The following ADAMTS17 variants were observed in gnomAD, a reference collection of about 807,000 sequenced individuals.
ADAMTS17 encodes the protein ADAM metallopeptidase with thrombospondin type 1 motif 17, also known as A disintegrin and metalloproteinase with thrombospondin motifs 17.
Under a neutral mutation model 141.5 loss-of-function variants are expected in ADAMTS17, and 113 were observed. That is an observed-to-expected ratio of 0.80 (90% CI 0.69 to 0.93). The LOEUF (loss-of-function observed/expected upper bound fraction) is 0.93. Ranked by LOEUF, ADAMTS17 falls within the 40% of genes least tolerant of loss-of-function variation. ADAMTS17 has a pLI of 0.00. For synonymous variants in ADAMTS17, 768 were observed against 630.6 expected (o/e 1.22, Z -3.27); for missense variants, 1,659 against 1,517.9 (o/e 1.09, Z -1.54).
chr15:100,143,656 T>C (rs2038762942), intron 10 of ADAMTS17, among the ~76,000 whole-genome samples: 1 of 152,258 alleles, frequency 6.6e-6, no homozygotes, highest in African/African-American at 2.4e-5. Flanking sequence ...CTTACAATAC[T>C]AGCATTCTGC....
At chr15:100,186,343 G>A (rs1045526385) in intron 8 of ADAMTS17, among the ~76,000 whole-genome samples, 4 of 152,090 alleles carry the variant, frequency 2.6e-5, no homozygotes, top group African/African-American at 9.7e-5. Context: ...GGAGTGTCCT[G>A]GGCCTCATCT....
intron 15 of ADAMTS17, among the ~76,000 whole-genome samples, chr15:100,085,516 A>T (rs886760942): frequency 2.1e-4 from 32 of 151,944 alleles, no homozygotes; most frequent in African/African-American, 7.5e-4. Flanking sequence ...CTCCTCGAGA[A>T]GAGCGACTCC....
At position 100,227,598 on chromosome 15, in the gene ADAMTS17, G is replaced by T. The variant is rs530497462; in HGVS notation, c.1075+26538C>A. ...CACATCGCTGGATGGACAGATCTGT[G>T]GTCCTCCTGGCCTTTCCCTCATGGT... On this transcript the variant is annotated intron_variant, in intron 7 of 21. Coordinates refer to ENST00000268070, the MANE Select transcript of ADAMTS17 (RefSeq NM_139057.4). 1.3e-3 allele frequency among the ~76,000 whole-genome samples: 195 copies of T among 152,318 alleles called. 1 individual carries two copies. The highest frequency in any genetic ancestry group is 4.5e-3 in the African/African-American group (189 of 41,564).
Position 100,109,003 on chromosome 15 carries a change from G to A in ADAMTS17, c.2002C>T (p.His668Tyr), listed in dbSNP as rs2036576642. 3 of 1,614,088 alleles carry A rather than the reference G, an allele frequency of 1.9e-6. No homozygotes were observed. Among genetic ancestry groups the A allele is most frequent in the South Asian group, 2.2e-5 (2 of 91,078 alleles). The change falls in exon 14 of 22, where the codon CAC becomes TAC. Residue 668 changes from histidine (H) to tyrosine (Y), a missense_variant. Coordinates refer to ENST00000268070, the MANE Select transcript of ADAMTS17 (RefSeq NM_139057.4). ...AAGTACGTCACCTGGCACTTGCCGTGCACGCAGAGATCAGTCTCGTAGGGC... is the reference window on the plus strand; with the variant it reads ...AAGTACGTCACCTGGCACTTGCCGTACACGCAGAGATCAGTCTCGTAGGGC... ...CGPYETDLCV[H>Y]GKCQKIGCDG...
chr15:100,127,425 C>T (rs1055021621), intron 12 of ADAMTS17, among the ~76,000 whole-genome samples: 6 of 152,276 alleles, frequency 3.9e-5, no homozygotes, highest in East Asian at 3.9e-4. Flanking sequence ...AGCCACGAAA[C>T]GGATTCACCT....
At position 100,053,660 on chromosome 15, in the gene ADAMTS17, G is replaced by C. The variant is rs370816268; in HGVS notation, c.2295+237C>G. Among the ~76,000 whole-genome samples, 484 of 152,224 alleles carry C rather than the reference G, an allele frequency of 3.2e-3. 1 individual carries two copies. Among genetic ancestry groups the C allele is most frequent in the African/African-American group, 0.011 (461 of 41,524 alleles). Reference sequence around the variant, plus strand: ...CTCCTTTTGAAAAAGATAGGAGCTCGGCCAGGGAAGAGCCAGGGGAAGCAA... The same window carrying C: ...CTCCTTTTGAAAAAGATAGGAGCTCCGCCAGGGAAGAGCCAGGGGAAGCAA... On this transcript the variant is annotated intron_variant, in intron 16 of 21. Coordinates refer to ENST00000268070, the MANE Select transcript of ADAMTS17 (RefSeq NM_139057.4).
chr15:100,115,016 T>C (rs541599275), intron 13 of ADAMTS17, among the ~76,000 whole-genome samples: 2 of 152,308 alleles, frequency 1.3e-5, no homozygotes, highest in Non-Finnish European at 2.9e-5. Context: ...AAAGTTGAGT[T>C]GAAATTTGAA....
intron 7 of ADAMTS17, among the ~76,000 whole-genome samples, chr15:100,252,381 C>T (rs1419332280): frequency 2.6e-5 from 4 of 152,220 alleles, no homozygotes; most frequent in African/African-American, 7.2e-5. Context: ...GAAGGACACA[C>T]AGCCTGGAGG....
intron 7 of ADAMTS17, among the ~76,000 whole-genome samples, chr15:100,206,719 T>C (rs1329563339): frequency 6.6e-6 from 1 of 152,146 alleles, no homozygotes; most frequent in Non-Finnish European, 1.5e-5. Context: ...AACTAAGTCT[T>C]CCATGGGGTC....
chr15:99,976,493 T>C (rs1185817540), intron 20 of ADAMTS17: 2 of 590,950 alleles, frequency 3.4e-6, no homozygotes, highest in African/African-American at 3.7e-5. Flanking sequence ...TTGCAATCAT[T>C]CAGGGCAAAA....
At position 100,281,345 on chromosome 15, in the gene ADAMTS17, C is replaced by T. The variant is rs1206044827; in HGVS notation, c.673G>A (p.Ala225Thr). The T allele has an allele frequency of 1.3e-5, 21 of 1,610,580 alleles. No individual in the cohort carries two copies. The highest frequency in any genetic ancestry group is 8.9e-5 in the East Asian group (4 of 44,876). Residue 225 changes from alanine (A) to threonine (T), a missense_variant, in exon 4 of 22, where the codon GCT (alanine) becomes ACT (threonine). Transcript: ENST00000268070. ...GTGTGCTCGCTGGTGAGCCGGATAGCGTTCCTCCGCTCCCGCCAGTCCCGC... is the reference window on the plus strand; with the variant it reads ...GTGTGCTCGCTGGTGAGCCGGATAGTGTTCCTCCGCTCCCGCCAGTCCCGC... ...PSRDWRERRNAIRLTSEHTVE... is the reference protein window; with the variant it reads ...PSRDWRERRNTIRLTSEHTVE...
At chr15:100,177,766 T>C (rs1350881340) in intron 8 of ADAMTS17, among the ~76,000 whole-genome samples, 1 of 152,208 alleles carries the variant, frequency 6.6e-6, no homozygotes, top group Non-Finnish European at 1.5e-5. Context: ...TGTGGATTCA[T>C]CTAGCTATAA....
At chr15:100,013,406 G>A (rs1321466550) in intron 18 of ADAMTS17, among the ~76,000 whole-genome samples, 1 of 152,036 alleles carries the variant, frequency 6.6e-6, no homozygotes, top group Non-Finnish European at 1.5e-5. Context: ...CTCTGGATAG[G>A]ACTTCCAGTA....
At chr15:100,083,887 C>T (rs2034912906) in intron 15 of ADAMTS17, among the ~76,000 whole-genome samples, 1 of 151,868 alleles carries the variant, frequency 6.6e-6, no homozygotes, top group Non-Finnish European at 1.5e-5. Flanking sequence ...CAAATAGGAA[C>T]AGCTCCAGTC....
intron 12 of ADAMTS17, among the ~76,000 whole-genome samples, chr15:100,119,069 G>C (rs76278563): frequency 6.7e-5 from 8 of 119,608 alleles, no homozygotes; most frequent in Non-Finnish European, 1.2e-4. Flanking sequence ...CACAGAGACA[G>C]GCAGAGAGAC....
At chr15:100,211,432 A>G (rs1337544373) in intron 7 of ADAMTS17, among the ~76,000 whole-genome samples, 3 of 152,204 alleles carry the variant, frequency 2.0e-5, no homozygotes, top group Non-Finnish European at 4.4e-5. Flanking sequence ...GTCCACAGGG[A>G]GATGAATGAA....
chr15:100,184,941 A>C (rs530344527), intron 8 of ADAMTS17, among the ~76,000 whole-genome samples: 9 of 152,182 alleles, frequency 5.9e-5, no homozygotes, highest in Non-Finnish European at 1.2e-4. Context: ...CCTCTATTAC[A>C]TCAGGCTGAT....
At chr15:100,162,083 T>C (rs1178683861) in intron 8 of ADAMTS17, among the ~76,000 whole-genome samples, 2 of 152,092 alleles carry the variant, frequency 1.3e-5, no homozygotes, top group Non-Finnish European at 2.9e-5. Flanking sequence ...ATGACCAATA[T>C]AGTGTTGGTG....
At chr15:100,334,663 G>T (rs939224004) in intron 2 of ADAMTS17, among the ~76,000 whole-genome samples, 9 of 152,208 alleles carry the variant, frequency 5.9e-5, no homozygotes, top group African/African-American at 2.2e-4. Flanking sequence ...GCCACGCGGG[G>T]CTTCCCAACC....
Sources: allele counts gnomAD v4.1 joint callset (sites outside exome capture counted in the v4.1 genomes callset), GRCh38; gene constraint gnomAD v4.1.1; transcripts MANE v1.5; gene names NCBI Gene and HGNC (gene_info 2026-07-23, HGNC 2026-07-21).